MRE11: variants seen among roughly 807,000 people sequenced by gnomAD.
The protein encoded by MRE11 is MRE11 double strand break repair nuclease, also known as double-strand break repair protein MRE11.
MRE11 carries 62 observed loss-of-function variants against 91.7 expected under a neutral mutation model. The observed-to-expected ratio is 0.68, with a 90% CI of 0.55 to 0.84. MRE11 has a LOEUF of 0.84. Among genes scored for constraint, MRE11 ranks in the 40% least tolerant of loss-of-function variants. The pLI is 0.00. For synonymous variants in MRE11, 273 were observed against 271.4 expected (o/e 1.01, Z -0.06); for missense variants, 796 against 852.9 (o/e 0.93, Z 0.83).
intron 16 of MRE11, among the ~76,000 whole-genome samples, chr11:94,439,936 A>G (rs1158870585): frequency 6.6e-6 from 1 of 152,228 alleles, no homozygotes; most frequent in African/African-American, 2.4e-5. Flanking sequence ...ATTGTCAAGT[A>G]TTTAACAAGC....
intron 4 of MRE11, among the ~76,000 whole-genome samples, chr11:94,485,680 C>T (rs1243043118): frequency 6.7e-6 from 1 of 150,328 alleles, no homozygotes; most frequent in Non-Finnish European, 1.5e-5. Flanking sequence ...AATTTTGGCT[C>T]ACTGCAACCT....
At chr11:94,448,350 A>G (rs1328702775) in intron 14 of MRE11, among the ~76,000 whole-genome samples, 1 of 151,912 alleles carries the variant, frequency 6.6e-6, no homozygotes, top group African/African-American at 2.4e-5. Context: ...GCCTAGGTGG[A>G]TGGACTGCTT....
At chr11:94,456,540 G>A (rs1241553559) in intron 13 of MRE11, among the ~76,000 whole-genome samples, 2 of 151,116 alleles carry the variant, frequency 1.3e-5, no homozygotes, top group Non-Finnish European at 2.9e-5. Flanking sequence ...ATATTGACCC[G>A]AAGCAAAATT....
chr11:94,444,294 A>G (rs1469891491), intron 16 of MRE11, among the ~76,000 whole-genome samples: 1 of 152,188 alleles, frequency 6.6e-6, no homozygotes, highest in African/African-American at 2.4e-5. Context: ...AAAGAGGAGT[A>G]CAGTATCCTT....
At chr11:94,463,932 AT>A (rs2135018700) in intron 11 of MRE11, among the ~76,000 whole-genome samples, 180 bp downstream of exon 11, 1 of 152,330 alleles carries the variant, frequency 6.6e-6, no homozygotes, top group African/African-American at 2.4e-5. Flanking sequence ...AGGTATAATA[AT>A]AATAAAAAAG....
rs773595727 is a variant in MRE11, at chr11:94,492,781, C to CA, written c.20dup (p.Asp8Ter). 8 of 1,613,998 alleles carry CA rather than the reference C, an allele frequency of 5.0e-6. No individual in the cohort carries two copies. The highest frequency in any genetic ancestry group is 4.2e-6 in the Non-Finnish European group (5 of 1,179,956). On this transcript the variant is annotated frameshift_variant and splice_region_variant. Coordinates refer to ENST00000323929, the MANE Select transcript of MRE11 (RefSeq NM_005591.4). LOFTEE classifies it high-confidence loss of function. ...AGGGATTCCAGAAGTCAGGTGCTTACAGTGCATCTGCAGTACTCATTTTTA... is the reference window on the plus strand; with the variant it reads ...AGGGATTCCAGAAGTCAGGTGCTTACAAGTGCATCTGCAGTACTCATTTTTA...
At chr11:94,471,144 A>T (rs962064361) in intron 8 of MRE11, among the ~76,000 whole-genome samples, 1 of 152,102 alleles carries the variant, frequency 6.6e-6, no homozygotes, top group Non-Finnish European at 1.5e-5. Flanking sequence ...GAGTTTAATC[A>T]CTGTTAACTA....
chr11:94,463,960 T>C (rs1468342435), intron 11 of MRE11, among the ~76,000 whole-genome samples, 153 bp downstream of exon 11: 1 of 152,046 alleles, frequency 6.6e-6, no homozygotes, highest in Non-Finnish European at 1.5e-5. Context: ...ATCTAATTTT[T>C]AGAAGACAAG....
chr11:94,480,977 A>G (rs997231014), intron 4 of MRE11, among the ~76,000 whole-genome samples: 1 of 152,202 alleles, frequency 6.6e-6, no homozygotes, highest in Non-Finnish European at 1.5e-5. Flanking sequence ...ATTTCAGTAT[A>G]GCTCTGTCTT....
chr11:94,432,161 G>A (rs1165341715), intron 18 of MRE11, among the ~76,000 whole-genome samples: 1 of 152,144 alleles, frequency 6.6e-6, no homozygotes, highest in Non-Finnish European at 1.5e-5. Context: ...AAGGAGTCCT[G>A]TTAAATACAC....
At chr11:94,471,527 T>C (rs752402302) in intron 8 of MRE11, 47 bp downstream of exon 8, 6 of 1,577,176 alleles carry the variant, frequency 3.8e-6, no homozygotes, top group Non-Finnish European at 5.2e-6. Context: ...GATTAGTTAT[T>C]ATAGCAAAGA....
chr11:94,499,651 CTTAG>C, the MRE11 span: 1 of 152,192 alleles, frequency 6.6e-6, no homozygotes, highest in Non-Finnish European at 1.5e-5. Context: ...CCAGCACGCA[CTTAG>C]TTATTTAACA....
chr11:94,512,326 T>C, the MRE11 span: 1 of 421,336 alleles, frequency 2.4e-6, no homozygotes, highest in Non-Finnish European at 4.0e-6. Flanking sequence ...AGTCCTTTGC[T>C]TTGGTCAATG....
Position 94,445,810 on chromosome 11 carries a change from C to T in MRE11, c.1867G>A (p.Ala623Thr), listed in dbSNP as rs1312071883. ...ATAATCACTTGCAGTCTATACTCACCATCTATAATAGACATATTTCTAGAT... is the reference window on the plus strand; with the variant it reads ...ATAATCACTTGCAGTCTATACTCACTATCTATAATAGACATATTTCTAGAT... The part of the protein sequence containing the change: ...SASRNMSIID[A>T]FKSTRQQPSR... The change falls in exon 16 of 20, where the codon GCC (alanine) becomes ACC (threonine). Residue 623 changes from alanine (A) to threonine (T), a missense_variant and splice_region_variant. Coordinates refer to ENST00000323929, the MANE Select transcript of MRE11 (RefSeq NM_005591.4). The T allele has an allele frequency of 6.2e-7, 1 of 1,602,622 alleles. No homozygotes were observed. The highest frequency in any genetic ancestry group is 8.6e-7 in the Non-Finnish European group (1 of 1,169,578).
intron 4 of MRE11, among the ~76,000 whole-genome samples, chr11:94,484,123 C>A (rs776921813): frequency 3.4e-4 from 51 of 151,934 alleles, no homozygotes; most frequent in Non-Finnish European, 5.7e-4. Flanking sequence ...GATACAGGAG[C>A]CAATCTCAAA....
intron 13 of MRE11, among the ~76,000 whole-genome samples, chr11:94,459,021 C>T (rs1369384997): frequency 2.0e-5 from 3 of 152,144 alleles, no homozygotes; most frequent in African/African-American, 7.2e-5. Context: ...GTCTAGACAG[C>T]TTTTCCTGTA....
chr11:94,428,723 C>G (rs112821875), intron 19 of MRE11, among the ~76,000 whole-genome samples: 1 of 151,932 alleles, frequency 6.6e-6, no homozygotes, highest in Non-Finnish European at 1.5e-5. Flanking sequence ...ATTAGCTAGG[C>G]GTGGTGATGC....
At chr11:94,449,562 CTT>C (rs1946039577) in intron 14 of MRE11, among the ~76,000 whole-genome samples, 1 of 152,208 alleles carries the variant, frequency 6.6e-6, no homozygotes, top group Non-Finnish European at 1.5e-5. Flanking sequence ...ACTCTGCCTT[CTT>C]GTTTCCACTT....
At chr11:94,487,987 C>A (rs978474184) in intron 3 of MRE11, among the ~76,000 whole-genome samples, 3 of 152,136 alleles carry the variant, frequency 2.0e-5, no homozygotes, top group Non-Finnish European at 4.4e-5. Context: ...ATAAGAAATA[C>A]TAAATACAAA....
Sources: gnomAD v4.1 joint callset for allele counts (sites outside exome capture counted in the v4.1 genomes callset) on GRCh38, gnomAD v4.1.1 for gene constraint, MANE v1.5 for transcripts, NCBI Gene and HGNC (gene_info 2026-07-23, HGNC 2026-07-21) for gene names.